The following CTNNA3 variants were observed in gnomAD, a reference collection of about 807,000 sequenced individuals.
CTNNA3 encodes the protein catenin alpha-3.
A neutral mutation model predicts 95.7 loss-of-function variants in CTNNA3; 76 were observed. The observed-to-expected ratio is 0.79, with a 90% CI of 0.66 to 0.96. CTNNA3 has a LOEUF of 0.96. CTNNA3 is among the 40% of genes least tolerant of loss of function. CTNNA3 has a pLI of 0.00. For missense variants in CTNNA3, 1,191 were observed against 1,089.8 expected (o/e 1.09, Z -1.31); for synonymous variants, 431 against 374.4 (o/e 1.15, Z -1.74).
At position 66,871,385 on chromosome 10, in the gene CTNNA3, C is replaced by T. The variant is rs558808251; in HGVS notation, c.1048-95861G>A. Among the ~76,000 whole-genome samples, 14 of 151,870 alleles carry T rather than the reference C, an allele frequency of 9.2e-5. No individual in the cohort carries two copies. In the South Asian group the frequency reaches 2.9e-3, roughly 32 times the overall value. On this transcript the variant is annotated intron_variant, in intron 7 of 17. Coordinates refer to ENST00000433211, the MANE Select transcript of CTNNA3 (RefSeq NM_013266.4). Reference sequence around the variant, plus strand: ...ACCAGCCTGACCAACCTGGAGAAACCCTGTCTCTACTAAAAACACACAAAA... The same window carrying T: ...ACCAGCCTGACCAACCTGGAGAAACTCTGTCTCTACTAAAAACACACAAAA...
chr10:65,949,634 A>G (rs994943039), intron 17 of CTNNA3, among the ~76,000 whole-genome samples: 2 of 152,192 alleles, frequency 1.3e-5, no homozygotes, highest in African/African-American at 2.4e-5. Context: ...TAAGTCTGAG[A>G]CTAGCTTTAC....
At chr10:67,657,854 A>G (rs1472197300) in intron 1 of CTNNA3, among the ~76,000 whole-genome samples, 1 of 141,050 alleles carries the variant, frequency 7.1e-6, no homozygotes, top group African/African-American at 2.5e-5. Flanking sequence ...TCTCAAAAAA[A>G]AAAAAAAAAA....
intron 7 of CTNNA3, among the ~76,000 whole-genome samples, chr10:67,082,646 AG>A (rs1419606058): frequency 6.6e-6 from 1 of 152,212 alleles, no homozygotes; most frequent in African/African-American, 2.4e-5. Context: ...GAAACCGTGC[AG>A]GAATTAGATA....
chr10:66,783,742 C>A lies in CTNNA3; in HGVS notation c.1048-8218G>T, dbSNP rs139392798. On this transcript the variant is annotated intron_variant, in intron 7 of 17. Transcript: ENST00000433211. The stretch of plus-strand genomic sequence containing the variant: ...ATAGACCAAATAAATTATTTTCCCG[C>A]TTTTAAATAGAATCACCATTTTCTG... Among the ~76,000 whole-genome samples, 307 of 152,242 alleles carry A rather than the reference C, an allele frequency of 2.0e-3. 9 individuals carry two copies. Among genetic ancestry groups the A allele is most frequent in the Admixed American group, 0.018 (280 of 15,282 alleles).
intron 15 of CTNNA3, among the ~76,000 whole-genome samples, chr10:65,996,392 C>A (rs1038508935): frequency 6.6e-6 from 1 of 152,192 alleles, no homozygotes; most frequent in African/African-American, 2.4e-5. Flanking sequence ...TGCTGAGGAC[C>A]CTGCTGTTCT....
chr10:66,617,694 T>A (rs573619629), intron 10 of CTNNA3, among the ~76,000 whole-genome samples: 5 of 152,210 alleles, frequency 3.3e-5, no homozygotes, highest in Non-Finnish European at 7.4e-5. Context: ...CAACATAGTG[T>A]TGGAAGTTCT....
At chr10:67,577,356 T>C (rs1471690114) in intron 3 of CTNNA3, among the ~76,000 whole-genome samples, 3 of 151,138 alleles carry the variant, frequency 2.0e-5, no homozygotes, top group African/African-American at 4.9e-5. Flanking sequence ...TCATGTCCTT[T>C]GCCCACTTTT....
At chr10:66,886,403 C>T (rs574773888) in intron 7 of CTNNA3, among the ~76,000 whole-genome samples, 2 of 152,232 alleles carry the variant, frequency 1.3e-5, no homozygotes, top group South Asian at 4.1e-4. Context: ...ACTCTGTCTC[C>T]AATCCCAATG....
chr10:66,794,094 A>G (rs1841092569), intron 7 of CTNNA3, among the ~76,000 whole-genome samples: 1 of 152,164 alleles, frequency 6.6e-6, no homozygotes, highest in African/African-American at 2.4e-5. Flanking sequence ...TAGATCCTGA[A>G]AAGGCTGGTT....
chr10:66,182,344 C>T (rs1044292557), intron 13 of CTNNA3, among the ~76,000 whole-genome samples: 1 of 151,882 alleles, frequency 6.6e-6, no homozygotes, highest in African/African-American at 2.4e-5. Context: ...CGAGCTCCGC[C>T]TCCCGGGTTC....
chr10:67,644,061 G>A (rs1484750217), intron 2 of CTNNA3, among the ~76,000 whole-genome samples: 1 of 152,162 alleles, frequency 6.6e-6, no homozygotes, highest in Non-Finnish European at 1.5e-5. Flanking sequence ...TAACAAGATG[G>A]CTGGGTCAAA....
rs186497200 is a variant in CTNNA3, at chr10:67,739,264, G to A, written c.-2+24170C>T. On this transcript the variant is annotated intron_variant, in intron 1 of 17. Coordinates refer to the CTNNA3 transcript ENST00000684154. ...AAACTCTACAAGTCAGAAGAGAGTGGGGGCCAATATTCAACATTCTTAAAG... is the reference window on the plus strand; with the variant it reads ...AAACTCTACAAGTCAGAAGAGAGTGAGGGCCAATATTCAACATTCTTAAAG... 2.5e-3 allele frequency among the ~76,000 whole-genome samples: 374 copies of A among 152,248 alleles called. 2 individuals carry two copies. The highest frequency in any genetic ancestry group is 8.5e-3 in the African/African-American group (352 of 41,554).
chr10:65,932,410 G>A (rs2077269134), intron 17 of CTNNA3, among the ~76,000 whole-genome samples: 3 of 152,156 alleles, frequency 2.0e-5, no homozygotes, highest in Admixed American at 2.0e-4. Context: ...GTAAACTTGT[G>A]TCAAGACCAT....
intron 7 of CTNNA3, among the ~76,000 whole-genome samples, chr10:66,845,724 A>AAAAAAAAAAAC (rs1843238870): frequency 1.7e-5 from 2 of 120,204 alleles, no homozygotes; most frequent in African/African-American, 6.5e-5. Flanking sequence ...AAAAAAAAAA[A>AAAAAAAAAAAC]AAAAACTAAA....
chr10:66,878,461 C>A (rs1844713761), intron 7 of CTNNA3, among the ~76,000 whole-genome samples: 1 of 152,108 alleles, frequency 6.6e-6, no homozygotes, highest in South Asian at 2.1e-4. Context: ...GTATTCACAA[C>A]AAATTAAATT....
intron 1 of CTNNA3, among the ~76,000 whole-genome samples, chr10:67,663,871 G>T (rs1487987549): frequency 6.6e-6 from 1 of 152,122 alleles, no homozygotes; most frequent in Non-Finnish European, 1.5e-5. Flanking sequence ...GCCCAGTTTA[G>T]TGAGTACAAG....
chr10:66,997,215 T>C (rs1473630871), intron 7 of CTNNA3, among the ~76,000 whole-genome samples: 8 of 152,194 alleles, frequency 5.3e-5, no homozygotes, highest in Admixed American at 3.3e-4. Context: ...TAATTTTCCA[T>C]AGTTGTGACT....
At chr10:67,298,107 G>A (rs777131640) in intron 5 of CTNNA3, among the ~76,000 whole-genome samples, 3 of 152,180 alleles carry the variant, frequency 2.0e-5, no homozygotes, top group Non-Finnish European at 4.4e-5. Flanking sequence ...CATATCGGAA[G>A]TTAAGTCAAA....
At chr10:66,539,707 C>T (rs573565398) in intron 10 of CTNNA3, among the ~76,000 whole-genome samples, 1 of 151,976 alleles carries the variant, frequency 6.6e-6, no homozygotes, top group Non-Finnish European at 1.5e-5. Context: ...GCAGGACAGG[C>T]TTCATTCTCC....
Sources: allele counts gnomAD v4.1 joint callset (sites outside exome capture counted in the v4.1 genomes callset), GRCh38; gene constraint gnomAD v4.1.1; transcripts MANE v1.5; gene names NCBI Gene and HGNC (gene_info 2026-07-23, HGNC 2026-07-21).